ARHGEF10: variants seen among roughly 807,000 people sequenced by gnomAD.
ARHGEF10 encodes Rho guanine nucleotide exchange factor 10.
ARHGEF10 carries 140 observed loss-of-function variants against 147.4 expected under a neutral mutation model. The observed-to-expected ratio is 0.95, with a 90% confidence interval of 0.83 to 1.09. The LOEUF (loss-of-function observed/expected upper bound fraction) is 1.09. Among genes scored for constraint, ARHGEF10 ranks in the 50% least tolerant of loss-of-function variants. The probability of loss-of-function intolerance (pLI) is 0.00; values close to 1 mark genes in which losing one functional copy is unlikely to be tolerated. For missense variants in ARHGEF10, 2,222 were observed against 1,752.7 expected (o/e 1.27, Z -4.78); for synonymous variants, 902 against 695.8 (o/e 1.30, Z -4.67).
intron 15 of ARHGEF10, among the ~76,000 whole-genome samples, chr8:1,901,871 C>T (rs1014204985): frequency 2.6e-5 from 4 of 152,198 alleles, no homozygotes; most frequent in Admixed American, 1.3e-4. Flanking sequence ...ATCATTTATG[C>T]AATGTCCTTT....
intron 26 of ARHGEF10, among the ~76,000 whole-genome samples, chr8:1,943,324 G>A (rs1002618901): frequency 9.2e-5 from 14 of 152,188 alleles, no homozygotes; most frequent in African/African-American, 3.1e-4. Context: ...GGAGGAGGGC[G>A]AGGAGCAGGG....
At chr8:1,904,156 T>A (rs994524689) in intron 16 of ARHGEF10, 1 of 152,204 alleles carries the variant, frequency 6.6e-6, no homozygotes, top group African/African-American at 2.4e-5. Context: ...CTAAGCTGCA[T>A]TGAGCGTGAA....
chr8:1,838,263 G>A (rs1803711554), intron 1 of ARHGEF10, among the ~76,000 whole-genome samples: 5 of 152,228 alleles, frequency 3.3e-5, no homozygotes, highest in Non-Finnish European at 7.3e-5. Flanking sequence ...AGGGAAAGAT[G>A]ACATCAACCT....
intron 16 of ARHGEF10, among the ~76,000 whole-genome samples, chr8:1,905,037 G>T (rs762532127): frequency 6.6e-6 from 1 of 152,198 alleles, no homozygotes; most frequent in Non-Finnish European, 1.5e-5. Flanking sequence ...GCTGAGGCAC[G>T]AGAATCAATT....
chr8:1,922,299 T>C (rs947625166), intron 18 of ARHGEF10, among the ~76,000 whole-genome samples: 8 of 151,920 alleles, frequency 5.3e-5, no homozygotes, highest in Non-Finnish European at 8.8e-5. Context: ...GGAAAGATCA[T>C]TGGGGAACTC....
At chr8:1,886,856 G>T (rs117114240) in intron 11 of ARHGEF10, among the ~76,000 whole-genome samples, 1 of 152,116 alleles carries the variant, frequency 6.6e-6, no homozygotes, top group African/African-American at 2.4e-5. Flanking sequence ...CTCTCCCATC[G>T]CAGCCTGCTC....
In ARHGEF10 at chr8:1,871,688, G is replaced by C. The variant is rs71518096; in HGVS notation, c.679+2438G>C. Among the ~76,000 whole-genome samples, 1,024 of 152,218 alleles carry C rather than the reference G, an allele frequency of 6.7e-3. 7 individuals carry two copies. Among genetic ancestry groups the C allele is most frequent in the Non-Finnish European group, 0.011 (766 of 68,002 alleles). On this transcript the variant is annotated intron_variant, in intron 7 of 28. Transcript: ENST00000349830. ...CAAAAATTAGCCGGGCATGATGGTA[G>C]GCACCTGTAATTCCAGCTACTCGGG...
rs1806905748 is a variant in ARHGEF10 at position 1,869,467 on chromosome 8, C to T, written c.679+217C>T. On this transcript the variant is annotated intron_variant, in intron 7 of 28. Coordinates refer to ENST00000349830, the MANE Select transcript of ARHGEF10 (RefSeq NM_014629.4). Reference sequence around the variant, plus strand: ...CTTGAAATAGGGCAGTTTAATCTTACTTATCCCAAGCAAACAGAGGAGTAA... The same window carrying T: ...CTTGAAATAGGGCAGTTTAATCTTATTTATCCCAAGCAAACAGAGGAGTAA... 4 of 674,958 alleles carry T rather than the reference C, an allele frequency of 5.9e-6. No homozygotes were observed. In the Admixed American group the frequency reaches 8.3e-5, roughly 14 times the overall value. The allele number at this position is 674,958 out of a possible 1,614,324, so 41.8% of individuals were successfully genotyped here. A position where few individuals can be genotyped will look rare whatever the true frequency, so the allele number is the denominator to read the frequency against.
chr8:1,885,688 A>C lies in ARHGEF10; in HGVS notation c.1163A>C (p.Glu388Ala). The change falls in exon 11 of 29, where the codon GAG becomes GCG. Residue 388 changes from glutamate (E) to alanine (A), a missense_variant. Physicochemically the swap from Glu to Ala is moderately radical, Grantham distance 107 (BLOSUM62 -1). Coordinates refer to ENST00000349830, the MANE Select transcript of ARHGEF10 (RefSeq NM_014629.4). ...GAAGCCATCTTGACCCCGATGCCCG[A>C]GGGTTTATCTCAGCAGCAGGTGAGA... is the stretch of plus-strand genomic sequence containing the variant. ...HPEAILTPMP[E>A]GLSQQQVVRR... is the part of the protein sequence containing the mutation. The C allele has an allele frequency of 6.2e-7, 1 of 1,613,842 alleles. No individual in the cohort carries two copies. The highest frequency in any genetic ancestry group is 8.5e-7 in the Non-Finnish European group (1 of 1,179,888).
intron 18 of ARHGEF10, among the ~76,000 whole-genome samples, chr8:1,915,325 C>A (rs1201628675): frequency 6.6e-6 from 1 of 152,186 alleles, no homozygotes; most frequent in Admixed American, 6.5e-5. Context: ...ATCACAGATT[C>A]TGGGCAGTGG....
chr8:1,891,926 A>T (rs1235179475), intron 11 of ARHGEF10, among the ~76,000 whole-genome samples: 1 of 150,542 alleles, frequency 6.6e-6, no homozygotes, highest in Non-Finnish European at 1.5e-5. Context: ...TCATCTCAGG[A>T]CTTTAAAAAA....
In ARHGEF10 at chr8:1,926,420, A is replaced by C. The variant is rs1812697367; in HGVS notation, c.2654A>C (p.Glu885Ala). ...AYNPEPYLNN[E>A]SQPDSFSTAH... ...AACCCTGAACCTTACCTAAATAATG[A>C]AAGCCAGCCAGATTCATTTTCCACG... The change falls in exon 23 of 29, where the codon GAA becomes GCA. Residue 885 changes from glutamate (E) to alanine (A), a missense_variant. Transcript: ENST00000349830. 1.2e-6 allele frequency: 2 copies of C among 1,614,194 alleles called. No individual in the cohort carries two copies. Among genetic ancestry groups the C allele is most frequent in the African/African-American group, 2.7e-5 (2 of 75,056 alleles).
At chr8:1,828,343 G>A (rs1802889804) in intron 1 of ARHGEF10, among the ~76,000 whole-genome samples, 1 of 152,258 alleles carries the variant, frequency 6.6e-6, no homozygotes, top group Non-Finnish European at 1.5e-5. Context: ...CCTTAAAACC[G>A]TGGCATGCAC....
chr8:1,932,486 C>CGT (rs540878253), intron 25 of ARHGEF10, among the ~76,000 whole-genome samples: 1 of 151,184 alleles, frequency 6.6e-6, no homozygotes, highest in Non-Finnish European at 1.5e-5. Flanking sequence ...GACATGTGCA[C>CGT]GTGTGTGTGT....
intron 2 of ARHGEF10, among the ~76,000 whole-genome samples, chr8:1,851,648 C>G (rs1330241677): frequency 6.6e-6 from 1 of 152,194 alleles, no homozygotes; most frequent in Non-Finnish European, 1.5e-5. Context: ...CACGTTGGCT[C>G]TTGCCTGTAA....
chr8:1,842,763 C>T (rs1169725355), intron 1 of ARHGEF10, among the ~76,000 whole-genome samples: 1 of 152,242 alleles, frequency 6.6e-6, no homozygotes, highest in Admixed American at 6.5e-5. Flanking sequence ...ATCTAGCTCA[C>T]ACTCAAACTG....
intron 15 of ARHGEF10, among the ~76,000 whole-genome samples, chr8:1,901,410 C>T (rs961540167): frequency 2.0e-5 from 3 of 152,220 alleles, no homozygotes; most frequent in Admixed American, 6.5e-5. Flanking sequence ...CCACAGCTGT[C>T]CCCTGGCTCA....
intron 28 of ARHGEF10, among the ~76,000 whole-genome samples, chr8:1,955,143 C>T (rs1433473845): frequency 9.8e-5 from 12 of 122,356 alleles, no homozygotes; most frequent in African/African-American, 3.8e-4. Flanking sequence ...CTCACTGTTC[C>T]TCTGGAGGAT....
intron 26 of ARHGEF10, 90 bp downstream of exon 26, chr8:1,934,032 C>T: frequency 6.4e-7 from 1 of 1,566,674 alleles, no homozygotes. Context: ...AGGCTTCTTG[C>T]CTGTGGCTAA....
Sources: allele counts gnomAD v4.1 joint callset (sites outside exome capture counted in the v4.1 genomes callset), GRCh38; gene constraint gnomAD v4.1.1; transcripts MANE v1.5; gene names NCBI Gene and HGNC (gene_info 2026-07-23, HGNC 2026-07-21).